TBX21: variants seen among roughly 807,000 people sequenced by gnomAD.
TBX21 encodes T-box transcription factor 21.
In TBX21, 11 loss-of-function variants were observed where a neutral mutation model predicts 52.2. That is an observed-to-expected ratio of 0.21 (90% CI 0.13 to 0.35). TBX21 has a LOEUF of 0.35. Among genes scored for constraint, TBX21 ranks in the 10% least tolerant of loss-of-function variants. The pLI is 1.00. For missense variants in TBX21, 625 were observed against 755.1 expected (o/e 0.83, Z 2.02); for synonymous variants, 300 against 316.1 (o/e 0.95, Z 0.54).
At chr17:47,743,263 A>G in intron 3 of TBX21, 71 bp downstream of exon 3, 9 of 1,586,458 alleles carry the variant, frequency 5.7e-6, no homozygotes, top group South Asian at 2.3e-5. Flanking sequence ...CAAGGCCACA[A>G]GGGTCCTGCG....
chr17:47,744,156 T>C (rs1369103302), intron 3 of TBX21, 39 bp from the exon 4 acceptor site: 5 of 1,601,686 alleles, frequency 3.1e-6, no homozygotes, highest in African/African-American at 1.3e-5. Context: ...CTCGAAATCC[T>C]TCCTCCCCAC....
At chr17:47,741,961 G>A (rs1165846583) in intron 1 of TBX21, among the ~76,000 whole-genome samples, 3 of 152,174 alleles carry the variant, frequency 2.0e-5, no homozygotes, top group African/African-American at 7.2e-5. Context: ...ACAGTGCACT[G>A]TGATTTAGTA....
In TBX21 at chr17:47,745,363, C is replaced by T; in HGVS notation, c.1605C>T (p.Asn535=). The change falls in exon 6 of 6, where the codon AAC becomes AAT. Residue 535 remains asparagine (N), a synonymous_variant. Coordinates refer to ENST00000177694, the MANE Select transcript of TBX21 (RefSeq NM_013351.2). The stretch of plus-strand genomic sequence containing the variant: ...GACAGTTTTATAACTATTTTCCCAA[C>T]TGAGCAGATGACATGATGAAAGGAA... The part of the protein sequence containing the change: ...AEGQFYNYFP[N] 1 of 1,592,912 alleles carries T rather than the reference C, an allele frequency of 6.3e-7. No individual in the cohort carries two copies. The highest frequency in any genetic ancestry group is 8.5e-7 in the Non-Finnish European group (1 of 1,170,734).
At chr17:47,740,468 C>T (rs2032256099) in intron 1 of TBX21, among the ~76,000 whole-genome samples, 1 of 152,034 alleles carries the variant, frequency 6.6e-6, no homozygotes, top group African/African-American at 2.4e-5. Context: ...GTGCAGTGGC[C>T]CATGTCTATA....
rs764633414 is a variant in TBX21 at position 47,742,611 on chromosome 17, C to A, written c.493C>A (p.Arg165=). 1.3e-6 allele frequency: 2 copies of A among 1,599,450 alleles called. No individual in the cohort carries two copies. The highest frequency in any genetic ancestry group is 1.7e-6 in the Non-Finnish European group (2 of 1,171,830). The part of the protein sequence containing the change: ...TEMIITKQGR[R]MFPFLSFTVA... ...GGGGGCTTTCTCTCTTCTCTCCAGG[C>A]GGATGTTCCCATTCCTGTCATTTAC... is the stretch of plus-strand genomic sequence containing the variant. The change falls in exon 2 of 6, where the codon CGG becomes AGG. Residue 165 remains arginine, a splice_region_variant and synonymous_variant. Transcript: ENST00000177694. This position sits in a 1 kb window ranked among gnomAD's most constrained non-coding sequence, Gnocchi z 4.4.
At chr17:47,736,280 G>A (rs1291833516) in intron 1 of TBX21, among the ~76,000 whole-genome samples, 9 of 152,022 alleles carry the variant, frequency 5.9e-5, no homozygotes, top group Admixed American at 5.9e-4. Context: ...GTCCAATCTT[G>A]TTTCTGCATC....
In TBX21 at chr17:47,733,272, T is replaced by C. The variant is rs2032159543; in HGVS notation, c.-183T>C. On this transcript the variant is annotated 5_prime_UTR_variant, in exon 1 of 6. Transcript: ENST00000177694. This position sits in a 1 kb window ranked among gnomAD's most constrained non-coding sequence, Gnocchi z 6.6. Reference sequence around the variant, plus strand: ...CCCGCTGGAGAGGAAGCCCGAGAGCTGCCGCGCGCCTGCCGGACGAGGGCG... The same window carrying C: ...CCCGCTGGAGAGGAAGCCCGAGAGCCGCCGCGCGCCTGCCGGACGAGGGCG... 2 of 802,784 alleles carry C rather than the reference T, an allele frequency of 2.5e-6. No homozygotes were observed. The highest frequency in any genetic ancestry group is 6.9e-5 in the East Asian group (2 of 29,160). 49.7% of individuals were successfully genotyped at this position (802,784 alleles called of 1,614,324 possible). A position where few individuals can be genotyped will look rare whatever the true frequency, so the allele number is the denominator to read the frequency against.
intron 1 of TBX21, among the ~76,000 whole-genome samples, chr17:47,741,769 G>C (rs1391022439): frequency 6.6e-6 from 1 of 151,390 alleles, no homozygotes; most frequent in African/African-American, 2.4e-5. Context: ...CCCCTCCTAG[G>C]AAGCAGCTAA....
rs141056088 is a variant in TBX21 at position 47,744,293 on chromosome 17, G to T, written c.867G>T (p.Thr289=). 421 of 1,614,208 alleles carry T rather than the reference G, an allele frequency of 2.6e-4. No individual in the cohort carries two copies. In the East Asian group the frequency reaches 6.5e-3, roughly 25 times the overall value. Residue 289 remains threonine, a synonymous_variant, in exon 4 of 6, where the codon ACG becomes ACT. Coordinates refer to ENST00000177694, the MANE Select transcript of TBX21 (RefSeq NM_013351.2). ...AGGCAGCCTGCAACGCTTCCAACAC[G>T]CATATCTTTACTTTCCAAGAAACCC... is the stretch of plus-strand genomic sequence containing the variant. ...EPEAACNASN[T]HIFTFQETQF...
At chr17:47,739,803 T>C (rs1281051246) in intron 1 of TBX21, among the ~76,000 whole-genome samples, 2 of 145,802 alleles carry the variant, frequency 1.4e-5, no homozygotes, top group Admixed American at 1.4e-4. Flanking sequence ...GTTGGGTGCC[T>C]GTAGTCAAGG....
intron 3 of TBX21, 58 bp downstream of exon 3, chr17:47,743,250 C>T (rs1346519599): frequency 5.0e-6 from 8 of 1,600,270 alleles, no homozygotes; most frequent in Non-Finnish European, 5.1e-6. Context: ...GGTCTGAGAC[C>T]TCCAAGGCCA....
intron 1 of TBX21, among the ~76,000 whole-genome samples, chr17:47,737,876 C>T (rs1423457234): frequency 6.6e-6 from 1 of 152,184 alleles, no homozygotes; most frequent in Non-Finnish European, 1.5e-5. Flanking sequence ...TCCCCCGCCT[C>T]GGCCTCTCAA....
rs775477974 is a variant in TBX21 at position 47,733,838 on chromosome 17, C to T, written c.384C>T (p.Pro128=). ...YPGPREDYAL[P]AGLEVSGKLR... ...GGCCGCGTGAGGACTACGCGCTACC[C>T]GCGGGACTGGAGGTGTCGGGGAAAC... The change falls in exon 1 of 6, where the codon CCC becomes CCT. Residue 128 remains proline, a synonymous_variant. Transcript: ENST00000177694. This position sits in a 1 kb window ranked among gnomAD's most constrained non-coding sequence, Gnocchi z 6.6. The T allele has an allele frequency of 6.2e-7, 1 of 1,609,790 alleles. No homozygotes were observed. Among genetic ancestry groups the T allele is most frequent in the Non-Finnish European group, 8.5e-7 (1 of 1,178,646 alleles).
rs2032326485 is a variant in TBX21 at position 47,745,704 on chromosome 17, G to A, written c.*338G>A. On this transcript the variant is annotated 3_prime_UTR_variant, in exon 6 of 6. Coordinates refer to ENST00000177694, the MANE Select transcript of TBX21 (RefSeq NM_013351.2). ...GCTTTTTGCATCTAGTGGGTGGGAG[G>A]GGTCAGGTGTGGGACATGGGAGCAG... 3.9e-6 allele frequency: 1 copy of A among 254,862 alleles called. No individual in the cohort carries two copies. The highest frequency in any genetic ancestry group is 7.5e-6 in the Non-Finnish European group (1 of 133,142). The allele number at this position is 254,862 out of a possible 1,614,324, so 15.8% of individuals were successfully genotyped here.
chr17:47,736,897 C>A (rs140639286), intron 1 of TBX21, among the ~76,000 whole-genome samples: 5 of 152,182 alleles, frequency 3.3e-5, no homozygotes, highest in African/African-American at 1.2e-4. Flanking sequence ...CTACAGCCTA[C>A]AGCCCCACGG....
rs1200899541 is a variant in TBX21 at position 47,742,329 on chromosome 17, G to T, written c.492-281G>T. Among the ~76,000 whole-genome samples, 1 of 152,128 alleles carries T rather than the reference G, an allele frequency of 6.6e-6. No individual in the cohort carries two copies. Among genetic ancestry groups the T allele is most frequent in the African/African-American group, 2.4e-5 (1 of 41,426 alleles). The stretch of plus-strand genomic sequence containing the variant: ...ACTCCTGACCTCAGGTGATCCGCCC[G>T]CCTTGGCCTCTCAAAGTGCTGGGAT... On this transcript the variant is annotated intron_variant, in intron 1 of 5. Coordinates refer to ENST00000177694, the MANE Select transcript of TBX21 (RefSeq NM_013351.2). This position sits in a 1 kb window ranked among gnomAD's most constrained non-coding sequence, Gnocchi z 4.4.
chr17:47,737,701 CTG>C (rs2032221441), intron 1 of TBX21, among the ~76,000 whole-genome samples: 1 of 151,890 alleles, frequency 6.6e-6, no homozygotes, highest in Non-Finnish European at 1.5e-5. Flanking sequence ...TCTTGGCTCA[CTG>C]CAACCTGCAC....
In TBX21 at chr17:47,733,516, G is replaced by A. The variant is rs1376455611; in HGVS notation, c.62G>A (p.Ser21Asn). Reference sequence around the variant, plus strand: ...ACGGGCACCGAGCCGATGCCGGGGAGCGACGAGGGCCGGGCGCCTGGCGCC... The same window carrying A: ...ACGGGCACCGAGCCGATGCCGGGGAACGACGAGGGCCGGGCGCCTGGCGCC... ...MLTGTEPMPG[S>N]DEGRAPGADP... is the part of the protein sequence containing the mutation. The change falls in exon 1 of 6, where the codon AGC becomes AAC. Residue 21 changes from serine (S) to asparagine (N), a missense_variant. This residue lies in a region of TBX21 where 221 missense variants were observed against 204.9 expected (regional missense o/e 1.08). Transcript: ENST00000177694. This position sits in a 1 kb window ranked among gnomAD's most constrained non-coding sequence, Gnocchi z 6.6. 2 of 1,493,544 alleles carry A rather than the reference G, an allele frequency of 1.3e-6. No individual in the cohort carries two copies. The highest frequency in any genetic ancestry group is 2.2e-5 in the Admixed American group (1 of 44,708). 92.5% of individuals were successfully genotyped at this position (1,493,544 alleles called of 1,614,324 possible). A position where few individuals can be genotyped will look rare whatever the true frequency, so the allele number is the denominator to read the frequency against.
At position 47,742,884 on chromosome 17, in the gene TBX21, G is replaced by A. The variant is rs932128465; in HGVS notation, c.646+120G>A. 5 of 1,465,538 alleles carry A rather than the reference G, an allele frequency of 3.4e-6. No individual in the cohort carries two copies. The Admixed American group carries it at 7.2e-5, about 21-fold the overall frequency. The allele number at this position is 1,465,538 out of a possible 1,614,324, so 90.8% of individuals were successfully genotyped here. On this transcript the variant is annotated intron_variant, in intron 2 of 5. Transcript: ENST00000177694. The surrounding 1 kb of genome is among the most constrained non-coding windows in gnomAD (Gnocchi z 4.4). ...TTAACCCCCTCCCACTCCATCCCAC[G>A]CCATTGCATCCCTCCTGTTTCTGGC...
Sources: allele counts gnomAD v4.1 joint callset (sites outside exome capture counted in the v4.1 genomes callset), GRCh38; gene constraint gnomAD v4.1.1; regional missense constraint gnomAD v4.1.1; non-coding constraint Gnocchi (gnomAD v3.1); transcripts MANE v1.5; gene names NCBI Gene and HGNC (gene_info 2026-07-23, HGNC 2026-07-21).